RBM47: variants seen among roughly 807,000 people sequenced by gnomAD.
RBM47 encodes RNA-binding protein 47.
RBM47 carries 21 observed loss-of-function variants against 47.1 expected under a neutral mutation model. The ratio of observed to expected loss-of-function variants is 0.45; its 90% confidence interval spans 0.32 to 0.64. The LOEUF is 0.64. RBM47 is among the 30% of genes least tolerant of loss of function. The probability of loss-of-function intolerance (pLI) is 0.05; values close to 1 mark genes in which losing one functional copy is unlikely to be tolerated. For missense variants in RBM47, 708 were observed against 870.9 expected (o/e 0.81, Z 2.35); for synonymous variants, 375 against 361.7 (o/e 1.04, Z -0.42).
At chr4:40,472,024 A>C (rs1718954202) in intron 2 of RBM47, among the ~76,000 whole-genome samples, 1 of 152,150 alleles carries the variant, frequency 6.6e-6, no homozygotes, top group South Asian at 2.1e-4. Flanking sequence ...TGAAATTGCT[A>C]TTTTATAGGA....
intron 2 of RBM47, among the ~76,000 whole-genome samples, chr4:40,494,694 C>T (rs890847234): frequency 2.0e-5 from 3 of 152,148 alleles, no homozygotes; most frequent in African/African-American, 2.4e-5. Flanking sequence ...TAACAGACCC[C>T]TCCAAGCCCC....
intron 1 of RBM47, among the ~76,000 whole-genome samples, chr4:40,592,492 T>C (rs1734248456): frequency 6.6e-6 from 1 of 150,968 alleles, no homozygotes; most frequent in Non-Finnish European, 1.5e-5. Flanking sequence ...TGGCATGATC[T>C]CAGCTCACCG....
intron 6 of RBM47, among the ~76,000 whole-genome samples, chr4:40,432,072 C>T (rs150728867): frequency 4.0e-5 from 6 of 151,684 alleles, no homozygotes; most frequent in Admixed American, 1.3e-4. Flanking sequence ...CAGGCTGGTC[C>T]TGAACTCCTG....
chr4:40,478,009 C>CTTTTTTTTTTTTTTTTTTTTT (rs1194806938), intron 2 of RBM47, among the ~76,000 whole-genome samples: 4 of 86,412 alleles, frequency 4.6e-5, no homozygotes, highest in Admixed American at 1.5e-4. Flanking sequence ...GTGGCATGTT[C>CTTTTTTTTTTTTTTTTTTTTT]TTTTTTTTTT....
intron 2 of RBM47, among the ~76,000 whole-genome samples, chr4:40,497,379 G>A (rs1232358473): frequency 1.3e-5 from 2 of 151,966 alleles, no homozygotes; most frequent in Non-Finnish European, 2.9e-5. Flanking sequence ...AGCACTTTGA[G>A]AGGCCAAGGT....
chr4:40,545,368 AAG>A (rs923954999), intron 1 of RBM47, among the ~76,000 whole-genome samples: 11 of 146,460 alleles, frequency 7.5e-5, no homozygotes, highest in East Asian at 2.2e-4. Context: ...CTGTCTTTAA[AAG>A]AGAGAGAGAG....
At chr4:40,588,785 C>A (rs948728255) in intron 1 of RBM47, among the ~76,000 whole-genome samples, 3 of 151,952 alleles carry the variant, frequency 2.0e-5, no homozygotes, top group African/African-American at 4.8e-5. Context: ...GAGGAGACTG[C>A]ATCATTAGTT....
chr4:40,438,791 G>C lies in RBM47; in HGVS notation c.103C>G (p.Leu35Val). 1 of 1,552,808 alleles carries C rather than the reference G, an allele frequency of 6.4e-7. No individual in the cohort carries two copies. The highest frequency in any genetic ancestry group is 2.4e-5 in the East Asian group (1 of 41,970). The change falls in exon 4 of 7, where the codon CTG becomes GTG. Residue 35 changes from leucine (L) to valine (V), a missense_variant. Transcript: ENST00000295971. ...GVAGAPNEAA[L>V]LALMERTGYS... ...CCCGTGCGCTCCATCAGCGCCAGCA[G>C]TGCTGCCTCGTTGGGCGCGCCCGCC... is the stretch of plus-strand genomic sequence containing the variant.
chr4:40,442,465 G>A (rs1482586968), intron 3 of RBM47, among the ~76,000 whole-genome samples: 1 of 152,152 alleles, frequency 6.6e-6, no homozygotes, highest in Non-Finnish European at 1.5e-5. Flanking sequence ...CAGTATGGTG[G>A]TTCCTCAAAA....
intron 2 of RBM47, among the ~76,000 whole-genome samples, chr4:40,501,291 T>C (rs1236175339): frequency 6.6e-6 from 1 of 152,184 alleles, no homozygotes; most frequent in South Asian, 2.1e-4. Context: ...ATTTGGATGA[T>C]AAAAAAAGTT....
chr4:40,486,504 A>ATT (rs1263214395), intron 2 of RBM47, among the ~76,000 whole-genome samples: 5 of 152,186 alleles, frequency 3.3e-5, no homozygotes, highest in Non-Finnish European at 7.4e-5. Context: ...ATCAGCAAAA[A>ATT]TTTTTAAATT....
intron 1 of RBM47, among the ~76,000 whole-genome samples, chr4:40,616,373 A>AAAG (rs1163035611): frequency 6.6e-6 from 1 of 151,766 alleles, no homozygotes; most frequent in Non-Finnish European, 1.5e-5. Context: ...AAAAAGAAAA[A>AAAG]AAAAAAATCA....
At chr4:40,436,943 C>A (rs767142460) in intron 4 of RBM47, 20,369 of 390,126 alleles carry the variant, frequency 0.052, 383 homozygotes, top group Middle Eastern at 0.071. Flanking sequence ...TCCCCCCCGC[C>A]AAAAAAAAAA....
At chr4:40,527,580 T>C (rs28554062) in intron 2 of RBM47, among the ~76,000 whole-genome samples, 25,999 of 150,554 alleles carry the variant, frequency 0.17, 2,723 homozygotes, top group African/African-American at 0.29. Flanking sequence ...CATGAGACAC[T>C]GCGCCCGGAC....
chr4:40,520,022 T>C (rs146143319), intron 2 of RBM47, among the ~76,000 whole-genome samples: 259 of 150,244 alleles, frequency 1.7e-3, no homozygotes, highest in African/African-American at 5.9e-3. Flanking sequence ...CTTTGAAATC[T>C]ACTGATGAAC....
chr4:40,428,688 C>T (rs549576392), intron 6 of RBM47, among the ~76,000 whole-genome samples: 3 of 152,324 alleles, frequency 2.0e-5, no homozygotes, highest in African/African-American at 4.8e-5. Flanking sequence ...AAGTTTTGCA[C>T]ATAGACATGC....
At chr4:40,474,577 A>T (rs945600377) in intron 2 of RBM47, among the ~76,000 whole-genome samples, 23 of 152,382 alleles carry the variant, frequency 1.5e-4, no homozygotes, top group Admixed American at 1.2e-3. Flanking sequence ...ACATTAAAAA[A>T]TTTCCTTTAC....
intron 1 of RBM47, among the ~76,000 whole-genome samples, chr4:40,578,811 A>G (rs1224652627): frequency 6.6e-6 from 1 of 152,246 alleles, no homozygotes; most frequent in Non-Finnish European, 1.5e-5. Flanking sequence ...TGCTACACAC[A>G]GTAGGTGCTC....
intron 2 of RBM47, among the ~76,000 whole-genome samples, chr4:40,536,724 T>G (rs544660588): frequency 2.7e-5 from 3 of 109,630 alleles, no homozygotes; most frequent in South Asian, 5.5e-4. Flanking sequence ...TGTGTTTTTG[T>G]TTTTTTTTTA....
Sources: gnomAD v4.1 joint callset for allele counts (sites outside exome capture counted in the v4.1 genomes callset) on GRCh38, gnomAD v4.1.1 for gene constraint, MANE v1.5 for transcripts, NCBI Gene and HGNC (gene_info 2026-07-23, HGNC 2026-07-21) for gene names.